ABCA13: variants seen among roughly 807,000 people sequenced by gnomAD.
ABCA13 encodes the protein ATP binding cassette subfamily A member 13, also known as ATP-binding cassette sub-family A member 13.
ABCA13 carries 476 observed loss-of-function variants against 478.7 expected under a neutral mutation model. The ratio of observed to expected loss-of-function variants is 0.99; its 90% CI spans 0.92 to 1.07. The LOEUF is 1.07. Among genes scored for constraint, ABCA13 ranks in the 50% least tolerant of loss-of-function variants. The pLI, the probability that ABCA13 is intolerant of heterozygous loss-of-function variation, is 0.00. For missense variants in ABCA13, 6,060 were observed against 5,910.6 expected (o/e 1.03, Z -0.83); for synonymous variants, 2,252 against 2,158.9 (o/e 1.04, Z -1.20).
At chr7:48,575,565 C>T (rs1788085781) in intron 55 of ABCA13, among the ~76,000 whole-genome samples, 1 of 152,118 alleles carries the variant, frequency 6.6e-6, no homozygotes, top group Non-Finnish European at 1.5e-5. Context: ...AGAAATTGTT[C>T]TACTGTGTAG....
chr7:48,267,686 A>T (rs1795047801), intron 15 of ABCA13, among the ~76,000 whole-genome samples: 1 of 152,004 alleles, frequency 6.6e-6, no homozygotes, highest in South Asian at 2.1e-4. Flanking sequence ...CTTTTGCATC[A>T]ACCTAATAGT....
At chr7:48,571,684 G>T (rs1787664346) in intron 55 of ABCA13, among the ~76,000 whole-genome samples, 2 of 151,944 alleles carry the variant, frequency 1.3e-5, no homozygotes, top group African/African-American at 4.8e-5. Context: ...TCTAGGTATA[G>T]ATTATTTTGT....
At position 48,288,030 on chromosome 7, in the gene ABCA13, C is replaced by A; in HGVS notation, c.8907C>A (p.Leu2969=). Residue 2969 remains leucine, a synonymous_variant, in exon 20 of 62, where the codon CTC becomes CTA. Transcript: ENST00000435803. Reference sequence around the variant, plus strand: ...GCAAGCAAAATGGGATAAGGCATCTCATTTTATCTGCTATACAAGGGGTCA... The same window carrying A: ...GCAAGCAAAATGGGATAAGGCATCTAATTTTATCTGCTATACAAGGGGTCA... ...LSCKQNGIRH[L]ILSAIQGVTL... is the part of the protein sequence containing the mutation. 1 of 1,614,020 alleles carries A rather than the reference C, an allele frequency of 6.2e-7. No homozygotes were observed. Among genetic ancestry groups the A allele is most frequent in the Non-Finnish European group, 8.5e-7 (1 of 1,179,888 alleles).
intron 59 of ABCA13, among the ~76,000 whole-genome samples, chr7:48,627,544 A>G (rs950052720): frequency 4.6e-5 from 7 of 152,312 alleles, no homozygotes; most frequent in Middle Eastern, 3.4e-3. Flanking sequence ...AAAAGTTAAC[A>G]TCTCTGGAGG....
chr7:48,250,572 C>T (rs1727483360), intron 15 of ABCA13, among the ~76,000 whole-genome samples: 1 of 152,186 alleles, frequency 6.6e-6, no homozygotes, highest in Admixed American at 6.6e-5. Flanking sequence ...TGTCAGGAAA[C>T]AATGGCCTAG....
At chr7:48,410,093 CAAAAAAAAA>C (rs58724216) in intron 39 of ABCA13, among the ~76,000 whole-genome samples, 2 of 67,200 alleles carry the variant, frequency 3.0e-5, no homozygotes, top group South Asian at 5.9e-4. Context: ...GACTCCATCT[CAAAAAAAAA>C]AAAAAAAAAG....
chr7:48,367,280 T>C (rs1811824699), intron 31 of ABCA13, among the ~76,000 whole-genome samples: 1 of 152,156 alleles, frequency 6.6e-6, no homozygotes, highest in South Asian at 2.1e-4. Flanking sequence ...ATGACTGTCA[T>C]TGATGCCCTA....
rs757549877 is a variant in ABCA13 at position 48,269,031 on chromosome 7, T to C, written c.2057T>C (p.Ile686Thr). 1.2e-6 allele frequency: 2 copies of C among 1,604,562 alleles called. No homozygotes were observed. Among genetic ancestry groups the C allele is most frequent in the Non-Finnish European group, 1.7e-6 (2 of 1,172,766 alleles). The change falls in exon 16 of 62, where the codon ATC becomes ACC. Residue 686 changes from isoleucine (I) to threonine (T), a missense_variant. Ile to Thr is a moderately conservative substitution (Grantham distance 89, BLOSUM62 -1). Around this residue, in one of 3 missense-constraint regions of ABCA13, gnomAD observed 4,423 missense variants for 4,309.1 expected, o/e 1.03. Coordinates refer to ENST00000435803, the MANE Select transcript of ABCA13 (RefSeq NM_152701.5). ...GAAGAAAACATGGATTGGAAAATGATCAGTGATAATTATTTTCAATTTTTG... is the reference window on the plus strand; with the variant it reads ...GAAGAAAACATGGATTGGAAAATGACCAGTGATAATTATTTTCAATTTTTG... Reference protein sequence around the residue: ...CFEENMDWKMISDNYFQFLNN... With the variant: ...CFEENMDWKMTSDNYFQFLNN...
chr7:48,613,614 A>G (rs1792248502), intron 58 of ABCA13, among the ~76,000 whole-genome samples: 1 of 146,090 alleles, frequency 6.8e-6, no homozygotes, highest in South Asian at 2.2e-4. Context: ...TATATAAGAT[A>G]GTAACATCTT....
intron 25 of ABCA13, 133 bp from the exon 26 acceptor site, chr7:48,314,099 C>A: frequency 1.9e-6 from 2 of 1,071,158 alleles, no homozygotes; most frequent in Non-Finnish European, 1.3e-6. Context: ...AACTCTAAAG[C>A]AGACATTCCA....
intron 3 of ABCA13, among the ~76,000 whole-genome samples, chr7:48,213,461 A>C (rs917369930): frequency 1.3e-5 from 2 of 152,228 alleles, no homozygotes; most frequent in African/African-American, 4.8e-5. Context: ...GCTCATGATC[A>C]TCTGAGCCTT....
intron 48 of ABCA13, among the ~76,000 whole-genome samples, chr7:48,501,750 A>G (rs1830766194): frequency 6.6e-6 from 1 of 152,190 alleles, no homozygotes; most frequent in Non-Finnish European, 1.5e-5. Flanking sequence ...GAAATTTATC[A>G]GCTGCTCTCT....
intron 34 of ABCA13, 64 bp from the exon 35 acceptor site, chr7:48,376,377 C>T: frequency 3.2e-6 from 5 of 1,565,588 alleles, no homozygotes; most frequent in Non-Finnish European, 4.3e-6. Flanking sequence ...ATGAACTCAT[C>T]ATGACAAAAT....
intron 42 of ABCA13, among the ~76,000 whole-genome samples, chr7:48,450,854 A>G (rs1240802327): frequency 6.6e-6 from 1 of 152,058 alleles, no homozygotes; most frequent in Non-Finnish European, 1.5e-5. Context: ...CTCTATGAGT[A>G]TTTACCTATA....
rs1332286109 is a variant in ABCA13, at chr7:48,284,784, A to C, written c.8837-3176A>C. On this transcript the variant is annotated intron_variant, in intron 19 of 61. Coordinates refer to ENST00000435803, the MANE Select transcript of ABCA13 (RefSeq NM_152701.5). ...TAACTAACATTTAAACTGCCACCCC[A>C]CTGTCCTTATTGAATTGTTACTCCA... Among the ~76,000 whole-genome samples, 5 of 152,134 alleles carry C rather than the reference A, an allele frequency of 3.3e-5. No homozygotes were observed. The East Asian group carries it at 9.6e-4, about 29-fold the overall frequency.
At chr7:48,519,036 CTCCCACTTAT>C (rs1183027876) in intron 52 of ABCA13, among the ~76,000 whole-genome samples, 2 of 151,962 alleles carry the variant, frequency 1.3e-5, no homozygotes, top group African/African-American at 2.4e-5. Flanking sequence ...CATTGCTCAG[CTCCCACTTAT>C]AAGTGGGAAT....
At chr7:48,638,692 C>G (rs889987620) in intron 59 of ABCA13, among the ~76,000 whole-genome samples, 1 of 152,090 alleles carries the variant, frequency 6.6e-6, no homozygotes, top group African/African-American at 2.4e-5. Flanking sequence ...GTGAGGTAAG[C>G]CCCATGGTCT....
rs1788771912 is a variant in ABCA13, at chr7:48,229,736, G to A, written c.633-89G>A. ...ATCTTGCAACAGCACTAGGGGCCCA[G>A]TCCATGGGATGTAAGTAAACCTAGA... On this transcript the variant is annotated intron_variant, in intron 6 of 61. Transcript: ENST00000435803. The A allele has an allele frequency of 2.0e-6, 3 of 1,509,784 alleles. No individual in the cohort carries two copies. In the East Asian group the frequency reaches 6.8e-5, roughly 34 times the overall value. 93.5% of individuals were successfully genotyped at this position (1,509,784 alleles called of 1,614,324 possible).
chr7:48,614,615 G>A lies in ABCA13; in HGVS notation c.14745-670G>A, dbSNP rs370211110. On this transcript the variant is annotated intron_variant, in intron 58 of 61. Transcript: ENST00000435803. ...GTTTATTGTGGCACTGTTCACAATA[G>A]CAAAGACTTGGAACCAACCCAAATG... Among the ~76,000 whole-genome samples the A allele has an allele frequency of 2.0e-5, 3 of 150,766 alleles. No individual in the cohort carries two copies. The South Asian group carries it at 6.4e-4, about 32-fold the overall frequency.
Sources: allele counts gnomAD v4.1 joint callset (sites outside exome capture counted in the v4.1 genomes callset), GRCh38; gene constraint gnomAD v4.1.1; regional missense constraint gnomAD v4.1.1; transcripts MANE v1.5; gene names NCBI Gene and HGNC (gene_info 2026-07-23, HGNC 2026-07-21).